FHIP2A: variants seen among roughly 807,000 people sequenced by gnomAD.
FHIP2A encodes FHF complex subunit HOOK interacting protein 2A, also known as family with sequence similarity 160 member B1.
A neutral mutation model predicts 93.5 loss-of-function variants in FHIP2A; 46 were observed. The observed-to-expected ratio is 0.49, with a 90% CI of 0.39 to 0.63. The LOEUF is 0.63. FHIP2A is among the 20% of genes least tolerant of loss of function. FHIP2A has a pLI of 0.00. For synonymous variants in FHIP2A, 332 were observed against 326.5 expected (o/e 1.02, Z -0.18); for missense variants, 769 against 909.7 (o/e 0.85, Z 1.99).
chr10:114,860,540 C>CG (rs1372518595), intron 14 of FHIP2A, among the ~76,000 whole-genome samples: 4 of 151,956 alleles, frequency 2.6e-5, no homozygotes, highest in Non-Finnish European at 5.9e-5. Context: ...TGAGTAGAGA[C>CG]GGGGTTTCTC....
rs560413476 is a variant in FHIP2A, at chr10:114,837,592, A to T, written c.522+1346A>T. 5.9e-5 allele frequency among the ~76,000 whole-genome samples: 9 copies of T among 152,072 alleles called. No individual in the cohort carries two copies. The East Asian group carries it at 1.2e-3, about 20-fold the overall frequency. ...ATATAAGTTACATACAATAGAATTCACTCGTTTCAGTCTGCATTCTGTGAG... is the reference window on the plus strand; with the variant it reads ...ATATAAGTTACATACAATAGAATTCTCTCGTTTCAGTCTGCATTCTGTGAG... On this transcript the variant is annotated intron_variant, in intron 5 of 16. Coordinates refer to ENST00000369248, the MANE Select transcript of FHIP2A (RefSeq NM_020940.4).
At chr10:114,840,129 C>T (rs1592017265) in intron 5 of FHIP2A, among the ~76,000 whole-genome samples, 1 of 152,054 alleles carries the variant, frequency 6.6e-6, no homozygotes, top group Admixed American at 6.6e-5. Context: ...TGATTCACAC[C>T]TGTAATCCTA....
At chr10:114,882,757 C>T (rs1347600275) in intron 16 of FHIP2A, among the ~76,000 whole-genome samples, 2 of 152,020 alleles carry the variant, frequency 1.3e-5, no homozygotes, top group Non-Finnish European at 2.9e-5. Context: ...CACCTGTAGT[C>T]CAAGCTACTT....
At chr10:114,894,330 A>G (rs2083989737) in intron 16 of FHIP2A, among the ~76,000 whole-genome samples, 1 of 149,300 alleles carries the variant, frequency 6.7e-6, no homozygotes, top group Admixed American at 6.8e-5. Context: ...AGGCTGAGGC[A>G]GGTGGATTGC....
At chr10:114,843,279 T>C (rs2083680347) in intron 6 of FHIP2A, 53 bp downstream of exon 6, 1 of 1,095,244 alleles carries the variant, frequency 9.1e-7, no homozygotes, top group Admixed American at 2.9e-5. Flanking sequence ...ATAATGTGTA[T>C]TTATTTATTT....
chr10:114,828,895 G>C (rs1380916450), intron 1 of FHIP2A, among the ~76,000 whole-genome samples: 3 of 152,072 alleles, frequency 2.0e-5, no homozygotes, highest in Non-Finnish European at 1.5e-5. Flanking sequence ...AATATTTTCA[G>C]GTCTATTTTA....
At chr10:114,844,387 T>C (rs1024320178) in intron 7 of FHIP2A, among the ~76,000 whole-genome samples, 1 of 152,216 alleles carries the variant, frequency 6.6e-6, no homozygotes, top group African/African-American at 2.4e-5. Context: ...GGAAATATGA[T>C]TATTGCAGAA....
intron 2 of FHIP2A, among the ~76,000 whole-genome samples, chr10:114,832,437 T>A (rs1182229452): frequency 6.6e-6 from 1 of 152,142 alleles, no homozygotes; most frequent in Non-Finnish European, 1.5e-5. Flanking sequence ...CAAAGTAACG[T>A]AGTAGCAATC....
chr10:114,831,245 A>C (rs1440509512), intron 2 of FHIP2A, among the ~76,000 whole-genome samples: 1 of 152,232 alleles, frequency 6.6e-6, no homozygotes, highest in Non-Finnish European at 1.5e-5. Flanking sequence ...ATAGTGTGTC[A>C]GATGATAAGC....
intron 5 of FHIP2A, among the ~76,000 whole-genome samples, chr10:114,841,592 C>T (rs1215407212): frequency 6.6e-6 from 1 of 152,054 alleles, no homozygotes; most frequent in Non-Finnish European, 1.5e-5. Context: ...GCCAATATGC[C>T]ATTGATTTTG....
At chr10:114,884,940 G>A (rs2083935070) in intron 16 of FHIP2A, among the ~76,000 whole-genome samples, 1 of 148,422 alleles carries the variant, frequency 6.7e-6, no homozygotes, top group South Asian at 2.1e-4. Context: ...AATATATGTA[G>A]AGTACTAGGA....
chr10:114,888,005 G>A (rs2083951621), intron 16 of FHIP2A, among the ~76,000 whole-genome samples: 1 of 152,160 alleles, frequency 6.6e-6, no homozygotes, highest in Admixed American at 6.5e-5. Flanking sequence ...GAAAGGAGAG[G>A]GACATCAGAG....
downstream of FHIP2A, among the ~76,000 whole-genome samples, chr10:114,866,131 C>T (rs1039757176): frequency 1.3e-5 from 2 of 152,026 alleles, no homozygotes; most frequent in Non-Finnish European, 2.9e-5. Flanking sequence ...CCCTCCCCAC[C>T]CCGCCCCCAG....
chr10:114,878,220 C>A (rs1237532863), intron 16 of FHIP2A, among the ~76,000 whole-genome samples: 2 of 152,110 alleles, frequency 1.3e-5, no homozygotes, highest in Non-Finnish European at 2.9e-5. Flanking sequence ...ATTTTAGAAG[C>A]ATTATGAATG....
chr10:114,885,427 A>T (rs2083938216), intron 16 of FHIP2A, among the ~76,000 whole-genome samples: 1 of 151,556 alleles, frequency 6.6e-6, no homozygotes, highest in Non-Finnish European at 1.5e-5. Context: ...AAAAAAGCAG[A>T]TGACCCTTTT....
At chr10:114,835,392 GAC>G (rs2083631292) in intron 3 of FHIP2A, 143 bp from the exon 4 acceptor site, 3 of 530,618 alleles carry the variant, frequency 5.7e-6, no homozygotes, top group Admixed American at 6.5e-5. Flanking sequence ...ATTTTATTCT[GAC>G]AGTTATTAAC....
At position 114,833,261 on chromosome 10, in the gene FHIP2A, T is replaced by C; in HGVS notation, c.153T>C (p.Asn51=). ...ATAAAGCCCCAGTGACCGATACAAA[T>C]ATTCCATCGCATCTGGAACAGATGT... ...SDDKAPVTDT[N]IPSHLEQMLD... is the part of the protein sequence containing the mutation. Residue 51 remains asparagine (N), a synonymous_variant, in exon 3 of 17, where the codon AAT becomes AAC. Transcript: ENST00000369248. 6.2e-7 allele frequency: 1 copy of C among 1,612,088 alleles called. No individual in the cohort carries two copies.
intron 16 of FHIP2A, among the ~76,000 whole-genome samples, chr10:114,880,833 A>G (rs2083913596): frequency 6.6e-6 from 1 of 152,186 alleles, no homozygotes; most frequent in African/African-American, 2.4e-5. Flanking sequence ...GGAAACCACC[A>G]TACAAGGCTT....
chr10:114,862,746 A>G lies in FHIP2A; in HGVS notation c.*1206A>G, dbSNP rs2083807744. 3 of 985,446 alleles carry G rather than the reference A, an allele frequency of 3.0e-6. No homozygotes were observed. Among genetic ancestry groups the G allele is most frequent in the Non-Finnish European group, 3.6e-6 (3 of 829,986 alleles). The allele number at this position is 985,446 out of a possible 1,614,324, so 61.0% of individuals were successfully genotyped here. ...ATTTTTCCTTTAAGTGATGCTGATC[A>G]CTCAAATAATGCTTTTAAGCTATTG... On this transcript the variant is annotated 3_prime_UTR_variant, in exon 17 of 17. Transcript: ENST00000369248.
Sources: allele counts gnomAD v4.1 joint callset (sites outside exome capture counted in the v4.1 genomes callset), GRCh38; gene constraint gnomAD v4.1.1; transcripts MANE v1.5; gene names NCBI Gene and HGNC (gene_info 2026-07-23, HGNC 2026-07-21).